Variants in HHAT observed in about 807,000 individuals in gnomAD.
HHAT encodes hedgehog acyltransferase.
HHAT carries 47 observed loss-of-function variants against 70.8 expected under a neutral mutation model. The observed-to-expected ratio is 0.66, with a 90% CI of 0.53 to 0.85. The LOEUF (loss-of-function observed/expected upper bound fraction) is 0.85, where lower values mean the gene tolerates loss of function less well. Ranked by LOEUF, HHAT falls within the 40% of genes least tolerant of loss-of-function variation. The pLI, the probability that HHAT is intolerant of heterozygous loss-of-function variation, is 0.00. For missense variants in HHAT, 609 were observed against 604.8 expected, an observed-to-expected ratio of 1.01 and a Z score of -0.07; for synonymous variants, 228 against 247.6, an observed-to-expected ratio of 0.92 and a Z score of 0.74.
intron 3 of HHAT, among the ~76,000 whole-genome samples, chr1:210,378,668 T>C (rs1179454260): frequency 6.6e-6 from 1 of 152,312 alleles, no homozygotes; most frequent in East Asian, 1.9e-4. Flanking sequence ...CATTTATCTT[T>C]TTTTTTTGTA....
At chr1:210,672,554 G>A (rs1014096873) in intron 11 of HHAT, among the ~76,000 whole-genome samples, 1 of 152,190 alleles carries the variant, frequency 6.6e-6, no homozygotes, top group Non-Finnish European at 1.5e-5. Flanking sequence ...TCCCACTGGT[G>A]TATGTGTGTG....
At chr1:210,435,585 A>G (rs1212647681) in intron 7 of HHAT, among the ~76,000 whole-genome samples, 4 of 151,744 alleles carry the variant, frequency 2.6e-5, no homozygotes, top group Non-Finnish European at 4.4e-5. Flanking sequence ...TTACATTCCC[A>G]CCAACAGTGT....
rs138340957 is a variant in HHAT, at chr1:210,583,651, C to T, written c.1044-4247C>T. The stretch of plus-strand genomic sequence containing the variant: ...TTTATCTTCCAGTCTTGAAGCTATA[C>T]CCTCTTCTGGTTTGAGACAAACAGC... On this transcript the variant is annotated intron_variant, in intron 9 of 11. Transcript: ENST00000261458. Among the ~76,000 whole-genome samples, 389 of 152,262 alleles carry T rather than the reference C, an allele frequency of 2.6e-3. 4 individuals carry two copies. The highest frequency in any genetic ancestry group is 8.7e-3 in the African/African-American group (362 of 41,556).
chr1:210,612,636 C>A (rs1666830524), intron 10 of HHAT, among the ~76,000 whole-genome samples: 1 of 152,108 alleles, frequency 6.6e-6, no homozygotes, highest in African/African-American at 2.4e-5. Flanking sequence ...GTCTGAGTCC[C>A]TTTCAGTTCT....
At chr1:210,673,316 G>C (rs1680465277) in intron 11 of HHAT, among the ~76,000 whole-genome samples, 4 of 151,718 alleles carry the variant, frequency 2.6e-5, no homozygotes. Context: ...CCAGGGCTCA[G>C]AGCTCCTATT....
intron 11 of HHAT, among the ~76,000 whole-genome samples, chr1:210,652,301 G>A (rs1441100657): frequency 6.6e-6 from 1 of 152,190 alleles, no homozygotes; most frequent in East Asian, 1.9e-4. Context: ...AGTGAAAATA[G>A]AAGTAGCATA....
At chr1:210,491,087 C>G (rs112730696) in intron 8 of HHAT, among the ~76,000 whole-genome samples, 1,693 of 147,258 alleles carry the variant, frequency 0.011, 40 homozygotes, top group African/African-American at 0.042. Context: ...GTGTGTGTGT[C>G]TGTGTGTCTG....
At chr1:210,631,024 A>G (rs1040903502) in intron 11 of HHAT, 2 of 455,322 alleles carry the variant, frequency 4.4e-6, no homozygotes, top group South Asian at 1.6e-5. Context: ...TTTTTACTCA[A>G]TCCATGTTGG....
intron 11 of HHAT, among the ~76,000 whole-genome samples, chr1:210,657,588 C>T (rs554888597): frequency 2.6e-5 from 4 of 152,316 alleles, no homozygotes; most frequent in African/African-American, 9.6e-5. Context: ...AAATTCAAGT[C>T]AAGTAATTTA....
At chr1:210,401,225 G>A (rs11119484) in intron 5 of HHAT, among the ~76,000 whole-genome samples, 50,335 of 151,944 alleles carry the variant, frequency 0.33, 8,546 homozygotes, top group East Asian at 0.45. Context: ...AGCGATTCTC[G>A]TGCCTCAGTC....
At chr1:210,505,993 C>G (rs1182813015) in intron 8 of HHAT, among the ~76,000 whole-genome samples, 1 of 152,186 alleles carries the variant, frequency 6.6e-6, no homozygotes, top group Non-Finnish European at 1.5e-5. Flanking sequence ...CAGAACAAGT[C>G]CTGGAACTGG....
chr1:210,538,469 G>A (rs1216695296), intron 9 of HHAT, among the ~76,000 whole-genome samples: 1 of 152,010 alleles, frequency 6.6e-6, no homozygotes, highest in Non-Finnish European at 1.5e-5. Context: ...CTTAAATAGA[G>A]GATAAGAAGG....
intron 9 of HHAT, among the ~76,000 whole-genome samples, chr1:210,523,476 A>G (rs1558085111): frequency 6.6e-6 from 1 of 152,104 alleles, no homozygotes. Flanking sequence ...TTAGATCCCC[A>G]AGCTCTACTT....
At position 210,469,846 on chromosome 1, in the gene HHAT, T is replaced by G. The variant is rs535108879; in HGVS notation, c.1007+5191T>G. Among the ~76,000 whole-genome samples, 3 of 152,106 alleles carry G rather than the reference T, an allele frequency of 2.0e-5. No homozygotes were observed. In the South Asian group the frequency reaches 6.2e-4, roughly 32 times the overall value. ...ACCATACACAGCCAATTTTTTTTTTTAAAGTTCTGGGATACATGTGCTGAA... is the reference window on the plus strand; with the variant it reads ...ACCATACACAGCCAATTTTTTTTTTGAAAGTTCTGGGATACATGTGCTGAA... On this transcript the variant is annotated intron_variant, in intron 8 of 11. Transcript: ENST00000261458.
At chr1:210,500,176 A>G (rs1424660180) in intron 8 of HHAT, among the ~76,000 whole-genome samples, 2 of 152,230 alleles carry the variant, frequency 1.3e-5, no homozygotes, top group Non-Finnish European at 2.9e-5. Context: ...TGAAGGGATC[A>G]TGTGATGTCT....
chr1:210,472,488 C>T (rs114240263), intron 8 of HHAT, among the ~76,000 whole-genome samples: 2,004 of 152,250 alleles, frequency 0.013, 52 homozygotes, highest in African/African-American at 0.046. Flanking sequence ...CCTTCGTGAT[C>T]TGGAGTATGG....
chr1:210,426,508 A>G (rs2093066532), intron 7 of HHAT, among the ~76,000 whole-genome samples: 1 of 152,098 alleles, frequency 6.6e-6, no homozygotes, highest in East Asian at 1.9e-4. Context: ...ATTTTGAGGT[A>G]TGTTCCTTTA....
chr1:210,469,216 T>C (rs990578709), intron 8 of HHAT, among the ~76,000 whole-genome samples: 3 of 152,112 alleles, frequency 2.0e-5, no homozygotes, highest in African/African-American at 2.4e-5. Context: ...AGATAGAGAC[T>C]ATGGTGGAAG....
chr1:210,577,664 T>C lies in HHAT; in HGVS notation c.1044-10234T>C, dbSNP rs893621435. Among the ~76,000 whole-genome samples the C allele has an allele frequency of 1.1e-3, 132 of 122,018 alleles. 2 individuals are homozygous for C. Among genetic ancestry groups the C allele is most frequent in the African/African-American group, 4.6e-3 (121 of 26,110 alleles). The allele number at this position is 122,018 out of a possible 152,430, so 80.0% of individuals were successfully genotyped here. A position where few individuals can be genotyped will look rare whatever the true frequency, so the allele number is the denominator to read the frequency against. On this transcript the variant is annotated intron_variant, in intron 9 of 11. Transcript: ENST00000261458. The stretch of plus-strand genomic sequence containing the variant: ...TTTTTTTTTTTTTTTTTTTTTTTTT[T>C]CGAAATGGAGTCTCACTCTGTCACC...
Sources: gnomAD v4.1 joint callset for allele counts (sites outside exome capture counted in the v4.1 genomes callset) on GRCh38, gnomAD v4.1.1 for gene constraint, MANE v1.5 for transcripts, NCBI Gene and HGNC (gene_info 2026-07-23, HGNC 2026-07-21) for gene names.